Variants in AK9 observed in about 807,000 individuals in gnomAD.
AK9 encodes adenylate kinase 9.
AK9 carries 191 observed loss-of-function variants against 239.6 expected under a neutral mutation model. That is an observed-to-expected ratio of 0.80 (90% CI 0.71 to 0.90). AK9 has a LOEUF of 0.90. AK9 is among the 40% of genes least tolerant of loss of function. The pLI, the probability that AK9 is intolerant of heterozygous loss-of-function variation, is 0.00. For synonymous variants in AK9, 689 were observed against 721.0 expected, an observed-to-expected ratio of 0.96 and a Z score of 0.71; for missense variants, 1,995 against 2,214.7, an observed-to-expected ratio of 0.90 and a Z score of 1.99.
intron 17 of AK9, among the ~76,000 whole-genome samples, chr6:109,590,311 T>G (rs1189816266): frequency 6.6e-6 from 1 of 152,152 alleles, no homozygotes; most frequent in Non-Finnish European, 1.5e-5. Context: ...TGTATATTTC[T>G]AAGAACTTAT....
chr6:109,499,774 A>G (rs1470852447), intron 35 of AK9, among the ~76,000 whole-genome samples: 3 of 151,954 alleles, frequency 2.0e-5, no homozygotes, highest in African/African-American at 7.3e-5. Flanking sequence ...AATTTTTTGT[A>G]CTTTTAGTAG....
intron 20 of AK9, among the ~76,000 whole-genome samples, chr6:109,577,677 A>G (rs2128203795): frequency 6.6e-6 from 1 of 152,116 alleles, no homozygotes; most frequent in Non-Finnish European, 1.5e-5. Context: ...TTGGTCTGTT[A>G]GGGGCTTCTA....
intron 20 of AK9, among the ~76,000 whole-genome samples, chr6:109,577,892 C>CTCTCTT (rs1788306821): frequency 2.5e-5 from 2 of 79,570 alleles, no homozygotes; most frequent in Non-Finnish European, 5.0e-5. Flanking sequence ...CTTTCCTTCT[C>CTCTCTT]TCTCTCTTTC....
At chr6:109,505,878 A>G (rs935422649) in intron 35 of AK9, among the ~76,000 whole-genome samples, 1 of 152,174 alleles carries the variant, frequency 6.6e-6, no homozygotes, top group African/African-American at 2.4e-5. Context: ...TATTGCTCAC[A>G]GTTTTGGAGC....
At position 109,528,996 on chromosome 6, in the gene AK9, A is replaced by G; in HGVS notation, c.3633+15T>C. ...AGTGAGACCCTGTTTTGAAAAAAAA[A>G]ACAAAACTACTTACCTCCCTCCTTT... On this transcript the variant is annotated intron_variant, in intron 29 of 40. Transcript: ENST00000424296. 1 of 1,523,874 alleles carries G rather than the reference A, an allele frequency of 6.6e-7. No homozygotes were observed. The highest frequency in any genetic ancestry group is 8.8e-7 in the Non-Finnish European group (1 of 1,130,116). 94.4% of individuals were successfully genotyped at this position (1,523,874 alleles called of 1,614,324 possible).
At chr6:109,624,636 T>C (rs1366346337) in intron 12 of AK9, among the ~76,000 whole-genome samples, 3 of 152,200 alleles carry the variant, frequency 2.0e-5, no homozygotes, top group Non-Finnish European at 4.4e-5. Flanking sequence ...TACAGAAGCT[T>C]CTGGATCTTT....
rs1799753926 is a variant in AK9, at chr6:109,656,783, AT to A, written c.731del (p.Tyr244LeufsTer9). 1 of 1,601,598 alleles carries A rather than the reference AT, an allele frequency of 6.2e-7. No homozygotes were observed. Among genetic ancestry groups the A allele is most frequent in the Non-Finnish European group, 8.5e-7 (1 of 1,170,058 alleles). ...CTAAAGTTTGGAGAATTGTTTCCTT[AT>A]AAAGCTTAACAATGTTTTCAACATT... Reference protein sequence around the residue: ...LENVENIVKLYKETILQTLEE... With the variant: ...LENVENIVKLXKETILQTLEE... On this transcript the variant is annotated frameshift_variant, in exon 8 of 41. Transcript: ENST00000424296. LOFTEE classifies it high-confidence loss of function.
At chr6:109,508,378 G>A (rs970321899) in intron 33 of AK9, among the ~76,000 whole-genome samples, 1 of 152,170 alleles carries the variant, frequency 6.6e-6, no homozygotes, top group Non-Finnish European at 1.5e-5. Context: ...AACCATGATT[G>A]CCTCACTGAG....
chr6:109,669,537 G>T (rs564374183), intron 5 of AK9, among the ~76,000 whole-genome samples: 2 of 152,244 alleles, frequency 1.3e-5, no homozygotes, highest in East Asian at 3.9e-4. Context: ...GTCATAAATA[G>T]CTTAATTATG....
chr6:109,674,167 T>C, intron 3 of AK9, 31 bp downstream of exon 3: 2 of 1,512,962 alleles, frequency 1.3e-6, no homozygotes, highest in Non-Finnish European at 1.8e-6. Flanking sequence ...GTTTTCATAA[T>C]AAAATATTAG....
chr6:109,525,270 A>C (rs913679844), intron 29 of AK9, among the ~76,000 whole-genome samples: 11 of 152,292 alleles, frequency 7.2e-5, no homozygotes, highest in Admixed American at 3.3e-4. Flanking sequence ...TTTTATGACA[A>C]AGTCTCCAAA....
intron 2 of AK9, among the ~76,000 whole-genome samples, chr6:109,675,025 A>G (rs967894006): frequency 7.2e-5 from 11 of 152,186 alleles, no homozygotes; most frequent in African/African-American, 2.2e-4. Flanking sequence ...TGATTTGTGG[A>G]AAGTCAACAC....
At chr6:109,594,481 T>C (rs530235975) in intron 17 of AK9, among the ~76,000 whole-genome samples, 7 of 152,264 alleles carry the variant, frequency 4.6e-5, no homozygotes, top group African/African-American at 1.7e-4. Flanking sequence ...CAAGCTACCA[T>C]TGACTTTCTT....
chr6:109,619,792 T>C (rs913850603), intron 12 of AK9, among the ~76,000 whole-genome samples: 2 of 152,096 alleles, frequency 1.3e-5, no homozygotes, highest in Non-Finnish European at 1.5e-5. Context: ...TGCTCCTTTG[T>C]TGTCAATCCT....
rs564289319 is a variant in AK9, at chr6:109,624,048, G to GT, written c.1255-4813dup. Among the ~76,000 whole-genome samples the GT allele has an allele frequency of 6.6e-4, 98 of 147,924 alleles. No individual in the cohort carries two copies. The Middle Eastern group carries it at 0.011, about 16-fold the overall frequency. On this transcript the variant is annotated intron_variant, in intron 12 of 40. Coordinates refer to ENST00000424296, the MANE Select transcript of AK9 (RefSeq NM_001145128.3). ...CATGTTCATATTTCTGTTCCTGCAG[G>GT]TTTTTTTTTTGTGGGGGTTGCTTAG...
chr6:109,676,030 T>C lies in AK9; in HGVS notation c.-11-274A>G, dbSNP rs542006384. 2.0e-5 allele frequency among the ~76,000 whole-genome samples: 3 copies of C among 152,138 alleles called. No homozygotes were observed. In the East Asian group the frequency reaches 5.8e-4, roughly 29 times the overall value. The stretch of plus-strand genomic sequence containing the variant: ...ACTAACTTGAGGAAAAAATACAGAT[T>C]TGTGTGTATTATATTAAAAACCAAA... On this transcript the variant is annotated intron_variant, in intron 1 of 40. Coordinates refer to ENST00000424296, the MANE Select transcript of AK9 (RefSeq NM_001145128.3).
chr6:109,617,610 T>C (rs1418945147), intron 13 of AK9, among the ~76,000 whole-genome samples: 1 of 152,074 alleles, frequency 6.6e-6, no homozygotes, highest in Non-Finnish European at 1.5e-5. Flanking sequence ...TTGGGAAAAA[T>C]AATGAATTTA....
Position 109,586,063 on chromosome 6 carries a change from C to A in AK9, c.1852G>T (p.Glu618Ter), listed in dbSNP as rs1402412004. Reference protein sequence around the residue: ...LQEVLGEVMEENKDRFPGAPK... With the variant: ...LQEVLGEVME The stretch of plus-strand genomic sequence containing the variant: ...GCACCAGGAAACCTATCCTTGTTTT[C>A]TTCCATTACCTGTGAAAAATTGTAC... Residue 618 changes from glutamate (E) to a stop codon, truncating the protein, a stop_gained, in exon 18 of 41, where the codon GAA becomes TAA. Coordinates refer to ENST00000424296, the MANE Select transcript of AK9 (RefSeq NM_001145128.3). LOFTEE classifies it high-confidence loss of function. 2.6e-6 allele frequency: 4 copies of A among 1,549,992 alleles called. No homozygotes were observed. Among genetic ancestry groups the A allele is most frequent in the East Asian group, 4.9e-5 (2 of 40,854 alleles).
chr6:109,558,298 G>A (rs1785272188), intron 24 of AK9, among the ~76,000 whole-genome samples: 1 of 152,044 alleles, frequency 6.6e-6, no homozygotes, highest in African/African-American at 2.4e-5. Context: ...TCATGTCTAA[G>A]AAATTTTTGC....
Sources: gnomAD v4.1 joint callset for allele counts (sites outside exome capture counted in the v4.1 genomes callset) on GRCh38, gnomAD v4.1.1 for gene constraint, MANE v1.5 for transcripts, NCBI Gene and HGNC (gene_info 2026-07-23, HGNC 2026-07-21) for gene names.